KCNMB2: variants seen among roughly 807,000 people sequenced by gnomAD.
The protein encoded by KCNMB2 is calcium-activated potassium channel subunit beta-2.
A neutral mutation model predicts 24.5 loss-of-function variants in KCNMB2; 9 were observed. The ratio of observed to expected loss-of-function variants is 0.37; its 90% CI spans 0.22 to 0.64. The LOEUF is 0.64. Among genes scored for constraint, KCNMB2 ranks in the 30% least tolerant of loss-of-function variants. The probability of loss-of-function intolerance (pLI) is 0.63; values close to 1 mark genes in which losing one functional copy is unlikely to be tolerated. For missense variants in KCNMB2, 226 were observed against 284.3 expected (o/e 0.79, Z 1.47); for synonymous variants, 109 against 104.4 (o/e 1.04, Z -0.27).
Position 178,722,851 on chromosome 3 carries a change from C to A in KCNMB2, c.-67-84492C>A, listed in dbSNP as rs115829140. ...GAGGTTGTTATGAGCTGAGATTGCA[C>A]CACTGCATTCCAACCTGGACAACAG... On this transcript the variant is annotated intron_variant, in intron 1 of 4. Transcript: ENST00000452583. Among the ~76,000 whole-genome samples the A allele has an allele frequency of 2.5e-3, 382 of 152,224 alleles. 4 individuals carry two copies. The highest frequency in any genetic ancestry group is 8.7e-3 in the African/African-American group (363 of 41,532).
chr3:178,545,540 G>T (rs910632028), intron 1 of KCNMB2, among the ~76,000 whole-genome samples: 1 of 152,194 alleles, frequency 6.6e-6, no homozygotes, highest in Non-Finnish European at 1.5e-5. Context: ...CAGATGCAGA[G>T]AATCATTCCG....
chr3:178,773,262 A>C (rs111310586), intron 1 of KCNMB2, among the ~76,000 whole-genome samples: 6 of 151,938 alleles, frequency 3.9e-5, no homozygotes, highest in African/African-American at 1.4e-4. Flanking sequence ...TATATACTAA[A>C]TAACATTTTA....
intron 1 of KCNMB2, among the ~76,000 whole-genome samples, chr3:178,547,399 G>A (rs955200853): frequency 2.0e-5 from 3 of 152,200 alleles, no homozygotes; most frequent in East Asian, 1.9e-4. Flanking sequence ...AGAAAGAGAC[G>A]ATGTCAAAGA....
chr3:178,684,725 G>C (rs570097922), intron 1 of KCNMB2, among the ~76,000 whole-genome samples: 1 of 152,208 alleles, frequency 6.6e-6, no homozygotes, highest in East Asian at 1.9e-4. Flanking sequence ...CAACTACTCG[G>C]GAGGCTGAGG....
chr3:178,690,453 T>C (rs1449087640), intron 1 of KCNMB2, among the ~76,000 whole-genome samples: 4 of 151,454 alleles, frequency 2.6e-5, no homozygotes, highest in African/African-American at 9.7e-5. Context: ...AAATAATAAA[T>C]AATTTTGCAC....
intron 2 of KCNMB2, among the ~76,000 whole-genome samples, chr3:178,817,228 A>ATATAT (rs1553781212): frequency 2.0e-5 from 2 of 102,430 alleles, no homozygotes; most frequent in African/African-American, 1.1e-4. Context: ...TATATATATA[A>ATATAT]ATGAAGTGTG....
chr3:178,566,132 C>T (rs929254941), intron 1 of KCNMB2, among the ~76,000 whole-genome samples: 1 of 152,102 alleles, frequency 6.6e-6, no homozygotes, highest in East Asian at 1.9e-4. Flanking sequence ...TCTCCTAAAA[C>T]GTCTAAGTAA....
chr3:178,542,250 G>C (rs1211930457), intron 1 of KCNMB2, among the ~76,000 whole-genome samples: 3 of 152,048 alleles, frequency 2.0e-5, no homozygotes, highest in African/African-American at 7.2e-5. Flanking sequence ...CATGATGTTG[G>C]GCAAGTTTCT....
At chr3:178,607,617 C>T (rs1718321088) in intron 1 of KCNMB2, among the ~76,000 whole-genome samples, 1 of 149,936 alleles carries the variant, frequency 6.7e-6, no homozygotes, top group Non-Finnish European at 1.5e-5. Flanking sequence ...CCTCCAAATT[C>T]ATTGTGCATG....
chr3:178,712,952 G>T (rs1429424660), intron 1 of KCNMB2, among the ~76,000 whole-genome samples: 1 of 152,212 alleles, frequency 6.6e-6, no homozygotes, highest in Non-Finnish European at 1.5e-5. Context: ...CAAACTCATA[G>T]CCCTAGCCCA....
Position 178,645,301 on chromosome 3 carries a change from C to T in KCNMB2, c.-68+108590C>T, listed in dbSNP as rs185453866. On this transcript the variant is annotated intron_variant, in intron 1 of 4. Coordinates refer to ENST00000452583, the MANE Select transcript of KCNMB2 (RefSeq NM_181361.3). Reference sequence around the variant, plus strand: ...CCAACCTCAGGCAATCTGCCCGCCTCGGCCTCCCAAAGTGCTAGGATTACA... The same window carrying T: ...CCAACCTCAGGCAATCTGCCCGCCTTGGCCTCCCAAAGTGCTAGGATTACA... 7.9e-5 allele frequency among the ~76,000 whole-genome samples: 12 copies of T among 152,150 alleles called. No homozygotes were observed. The East Asian group carries it at 1.6e-3, about 20-fold the overall frequency.
chr3:178,573,460 T>G (rs143833824), intron 1 of KCNMB2, among the ~76,000 whole-genome samples: 2 of 152,076 alleles, frequency 1.3e-5, no homozygotes, highest in African/African-American at 4.8e-5. Flanking sequence ...GATTTGGCTG[T>G]GTACAGTGGG....
chr3:178,770,659 A>ATATGT (rs1163460792), intron 1 of KCNMB2, among the ~76,000 whole-genome samples: 1 of 152,246 alleles, frequency 6.6e-6, no homozygotes, highest in African/African-American at 2.4e-5. Flanking sequence ...ATCAAAAAAA[A>ATATGT]TATGTGAAAA....
chr3:178,717,065 A>G (rs2108354698), intron 1 of KCNMB2, among the ~76,000 whole-genome samples: 1 of 152,302 alleles, frequency 6.6e-6, no homozygotes, highest in South Asian at 2.1e-4. Flanking sequence ...AAAAAAAAAA[A>G]AGGATGAACT....
chr3:178,639,886 C>T (rs184814609), intron 1 of KCNMB2, among the ~76,000 whole-genome samples: 1 of 152,286 alleles, frequency 6.6e-6, no homozygotes, highest in East Asian at 1.9e-4. Flanking sequence ...TCTTGCATAA[C>T]ATCCTTCTAT....
At chr3:178,767,362 T>C (rs1473565455) in intron 1 of KCNMB2, among the ~76,000 whole-genome samples, 1 of 152,078 alleles carries the variant, frequency 6.6e-6, no homozygotes, top group African/African-American at 2.4e-5. Flanking sequence ...ATGTTATAAA[T>C]AGAACATGAA....
intron 1 of KCNMB2, among the ~76,000 whole-genome samples, chr3:178,674,535 C>G (rs1396440673): frequency 6.6e-6 from 1 of 152,152 alleles, no homozygotes; most frequent in Non-Finnish European, 1.5e-5. Flanking sequence ...CAAAATAGAT[C>G]CAGAATCTGA....
chr3:178,640,459 G>A (rs375533896), intron 1 of KCNMB2, among the ~76,000 whole-genome samples: 2 of 152,226 alleles, frequency 1.3e-5, no homozygotes, highest in African/African-American at 2.4e-5. Flanking sequence ...CAGCAAGGGG[G>A]AAATCCGCCC....
At chr3:178,617,889 TAAA>T (rs3052262) in intron 1 of KCNMB2, among the ~76,000 whole-genome samples, 15 of 99,262 alleles carry the variant, frequency 1.5e-4, no homozygotes, top group Non-Finnish European at 1.6e-4. Context: ...AGACTCTGTC[TAAA>T]AAAAAAAAAA....
Sources: allele counts gnomAD v4.1 joint callset (sites outside exome capture counted in the v4.1 genomes callset), GRCh38; gene constraint gnomAD v4.1.1; transcripts MANE v1.5; gene names NCBI Gene and HGNC (gene_info 2026-07-23, HGNC 2026-07-21).